LZTS1: variants seen among roughly 807,000 people sequenced by gnomAD.
LZTS1 encodes the protein leucine zipper putative tumor suppressor 1.
In LZTS1, 31 loss-of-function variants were observed where a neutral mutation model predicts 45.8. The ratio of observed to expected loss-of-function variants is 0.68; its 90% CI spans 0.51 to 0.91. The LOEUF (loss-of-function observed/expected upper bound fraction) is 0.91. Among genes scored for constraint, LZTS1 ranks in the 40% least tolerant of loss-of-function variants. The pLI is 0.00. For missense variants in LZTS1, 821 were observed against 788.9 expected (o/e 1.04, Z -0.49); for synonymous variants, 359 against 357.3 (o/e 1.00, Z -0.05).
At chr8:20,261,857 C>G (rs541632929) in intron 1 of LZTS1, among the ~76,000 whole-genome samples, 36 of 152,328 alleles carry the variant, frequency 2.4e-4, no homozygotes, top group African/African-American at 8.4e-4. Context: ...GGGTCACTCC[C>G]CCAGCCGGAG....
intron 1 of LZTS1, among the ~76,000 whole-genome samples, chr8:20,260,693 G>A (rs1800210181): frequency 6.6e-6 from 1 of 152,214 alleles, no homozygotes; most frequent in African/African-American, 2.4e-5. Context: ...CAGAAGCTGT[G>A]TCATTCACCT....
intron 1 of LZTS1, among the ~76,000 whole-genome samples, chr8:20,278,896 G>GTACTCACTCCCTGCAGTACAT (rs1414467676): frequency 6.6e-6 from 1 of 152,112 alleles, no homozygotes; most frequent in Non-Finnish European, 1.5e-5. Context: ...TCGGAGATCT[G>GTACTCACTCCCTGCAGTACAT]TACTCACTCC....
intron 1 of LZTS1, among the ~76,000 whole-genome samples, chr8:20,297,517 C>G (rs190856074): frequency 1.2e-3 from 177 of 152,058 alleles, no homozygotes; most frequent in African/African-American, 4.1e-3. Flanking sequence ...CGGGTTCAAG[C>G]AATTCTCCCG....
At chr8:20,264,909 CT>C (rs1800316196) in intron 1 of LZTS1, among the ~76,000 whole-genome samples, 1 of 152,286 alleles carries the variant, frequency 6.6e-6, no homozygotes, top group Admixed American at 6.5e-5. Context: ...AGAGCAGCCC[CT>C]GATCTACCAG....
intron 1 of LZTS1, among the ~76,000 whole-genome samples, chr8:20,265,722 C>G (rs1800341642): frequency 1.4e-5 from 2 of 143,232 alleles, no homozygotes; most frequent in South Asian, 4.5e-4. Flanking sequence ...GAAAACAACC[C>G]CTGAATCTCA....
chr8:20,279,795 T>C (rs749951760), intron 1 of LZTS1, among the ~76,000 whole-genome samples: 3 of 150,564 alleles, frequency 2.0e-5, no homozygotes, highest in Admixed American at 1.3e-4. Flanking sequence ...GAGACCAGCA[T>C]GGGAAACATG....
intron 1 of LZTS1, among the ~76,000 whole-genome samples, chr8:20,289,499 T>G (rs1257389961): frequency 6.6e-6 from 1 of 152,146 alleles, no homozygotes; most frequent in South Asian, 2.1e-4. Flanking sequence ...ACATCCACAA[T>G]TGGCCCCTGC....
intron 3 of LZTS1, among the ~76,000 whole-genome samples, chr8:20,251,325 G>T (rs970395876): frequency 6.6e-6 from 1 of 151,744 alleles, no homozygotes; most frequent in Non-Finnish European, 1.5e-5. Context: ...TGAATACAGG[G>T]TTGGCCTTGG....
intron 1 of LZTS1, among the ~76,000 whole-genome samples, chr8:20,294,195 C>T (rs189293044): frequency 2.6e-5 from 4 of 152,252 alleles, no homozygotes; most frequent in African/African-American, 9.6e-5. Context: ...GTCCTGTCTG[C>T]GGCTCTAGAA....
At position 20,263,058 on chromosome 8, in the gene LZTS1, C is replaced by G. The variant is rs537447629; in HGVS notation, c.-134-7743G>C. 5.9e-5 allele frequency among the ~76,000 whole-genome samples: 9 copies of G among 152,284 alleles called. No individual in the cohort carries two copies. In the South Asian group the frequency reaches 1.7e-3, roughly 28 times the overall value. ...AAACTATTTTGAAAAGTCCCCATTG[C>G]TGGTCATTGTTAGTATTCTTTCTCA... On this transcript the variant is annotated intron_variant, in intron 1 of 3. Transcript: ENST00000381569.
chr8:20,270,113 G>C (rs1800442548), intron 1 of LZTS1, among the ~76,000 whole-genome samples: 3 of 152,252 alleles, frequency 2.0e-5, no homozygotes, highest in African/African-American at 7.2e-5. Flanking sequence ...TGGAACCACA[G>C]AATGGAGAAA....
intron 1 of LZTS1, among the ~76,000 whole-genome samples, chr8:20,294,505 T>G (rs986447813): frequency 2.0e-5 from 3 of 152,118 alleles, no homozygotes; most frequent in Non-Finnish European, 4.4e-5. Context: ...GGCTGGGGGC[T>G]CCGCCTGGCT....
chr8:20,288,754 C>G (rs774817673), intron 1 of LZTS1, among the ~76,000 whole-genome samples: 10 of 152,104 alleles, frequency 6.6e-5, no homozygotes, highest in Non-Finnish European at 1.2e-4. Context: ...CACCCCAACT[C>G]TGCGCCCAAC....
At chr8:20,271,115 T>C (rs1044819823) in intron 1 of LZTS1, among the ~76,000 whole-genome samples, 4 of 152,146 alleles carry the variant, frequency 2.6e-5, no homozygotes, top group Non-Finnish European at 4.4e-5. Flanking sequence ...AGGAAGCCTG[T>C]GGCCATTCCC....
At chr8:20,288,457 G>T (rs1349984729) in intron 1 of LZTS1, among the ~76,000 whole-genome samples, 1 of 152,138 alleles carries the variant, frequency 6.6e-6, no homozygotes, top group African/African-American at 2.4e-5. Context: ...TCCATTCACT[G>T]CATGTGTCCT....
intron 1 of LZTS1, among the ~76,000 whole-genome samples, chr8:20,271,427 A>C (rs1800473217): frequency 1.3e-5 from 2 of 152,220 alleles, no homozygotes; most frequent in South Asian, 4.1e-4. Context: ...GCTGCCACCT[A>C]AGTCCCTCAG....
chr8:20,291,141 A>AT (rs1800894047), intron 1 of LZTS1, among the ~76,000 whole-genome samples: 1 of 152,220 alleles, frequency 6.6e-6, no homozygotes, highest in African/African-American at 2.4e-5. Context: ...CTTTCAATCT[A>AT]TTTTAACGTA....
chr8:20,285,651 C>A (rs749153535), intron 1 of LZTS1, among the ~76,000 whole-genome samples: 33 of 152,138 alleles, frequency 2.2e-4, no homozygotes, highest in Non-Finnish European at 4.3e-4. Flanking sequence ...ACATTTTATG[C>A]ACATTGACCT....
At chr8:20,277,394 A>G (rs1800606280) in intron 1 of LZTS1, among the ~76,000 whole-genome samples, 1 of 152,198 alleles carries the variant, frequency 6.6e-6, no homozygotes, top group African/African-American at 2.4e-5. Context: ...AGAAATAACT[A>G]TAAGTATATT....
Sources: gnomAD v4.1 joint callset for allele counts (sites outside exome capture counted in the v4.1 genomes callset) on GRCh38, gnomAD v4.1.1 for gene constraint, MANE v1.5 for transcripts, NCBI Gene and HGNC (gene_info 2026-07-23, HGNC 2026-07-21) for gene names.